GPAT4: variants seen among roughly 807,000 people sequenced by gnomAD.
GPAT4 encodes 1-AGP acyltransferase 6.
GPAT4 carries 17 observed loss-of-function variants against 58.0 expected under a neutral mutation model. The observed-to-expected ratio is 0.29, with a 90% CI of 0.20 to 0.44. The LOEUF (loss-of-function observed/expected upper bound fraction) is 0.44, where lower values mean the gene tolerates loss of function less well. Among genes scored for constraint, GPAT4 ranks in the 20% least tolerant of loss-of-function variants. The pLI is 1.00. For missense variants in GPAT4, 377 were observed against 574.5 expected (o/e 0.66, Z 3.51); for synonymous variants, 204 against 210.1 (o/e 0.97, Z 0.25).
At chr8:41,599,527 T>C (rs1427841566) in intron 2 of GPAT4, among the ~76,000 whole-genome samples, 1 of 152,226 alleles carries the variant, frequency 6.6e-6, no homozygotes, top group Non-Finnish European at 1.5e-5. Context: ...TGACTCCACA[T>C]GTTGCCTGTT....
At chr8:41,582,595 A>G (rs1234017473) in intron 1 of GPAT4, among the ~76,000 whole-genome samples, 2 of 152,164 alleles carry the variant, frequency 1.3e-5, no homozygotes, top group African/African-American at 4.8e-5. Context: ...TTTAAATTTT[A>G]TAATAATGCT....
chr8:41,595,325 CTTTTTTTT>C (rs61465079), intron 1 of GPAT4, among the ~76,000 whole-genome samples: 310 of 73,844 alleles, frequency 4.2e-3, no homozygotes, highest in African/African-American at 0.014. Context: ...TTAAATCTTC[CTTTTTTTT>C]TTTTTTTTTT....
At chr8:41,590,894 T>G (rs965467988) in intron 1 of GPAT4, among the ~76,000 whole-genome samples, 15 of 152,008 alleles carry the variant, frequency 9.9e-5, no homozygotes, top group African/African-American at 3.4e-4. Flanking sequence ...GGACTGGGGA[T>G]AAACAAACGA....
intron 2 of GPAT4, among the ~76,000 whole-genome samples, chr8:41,603,671 G>A (rs1039335774): frequency 3.3e-5 from 5 of 152,122 alleles, no homozygotes; most frequent in Admixed American, 6.5e-5. Context: ...AGGATGTGGG[G>A]GGGCAGGATG....
At position 41,618,908 on chromosome 8, in the gene GPAT4, A is replaced by G. The variant is rs772923260; in HGVS notation, c.1193A>G (p.Asp398Gly). 3.1e-6 allele frequency: 5 copies of G among 1,614,194 alleles called. No homozygotes were observed. The highest frequency in any genetic ancestry group is 1.1e-5 in the South Asian group (1 of 91,074). Residue 398 changes from aspartate (D) to glycine (G), a missense_variant, in exon 12 of 13, where the codon GAT (aspartate) becomes GGT (glycine). Asp to Gly is a moderately conservative substitution (Grantham distance 94). Transcript: ENST00000396987. ...LPPMTREADE[D>G]AVQFANRVKS... ...TGTTCTTTCTTACAGGCAGATGAAG[A>G]TGCTGTCCAGTTTGCGAATAGGGTG...
chr8:41,612,989 T>C (rs1419256086), intron 8 of GPAT4, 29 bp downstream of exon 8: 4 of 1,595,556 alleles, frequency 2.5e-6, no homozygotes, highest in Non-Finnish European at 3.4e-6. Context: ...CTGTTCTGCT[T>C]GGCCAGTTAG....
intron 7 of GPAT4, among the ~76,000 whole-genome samples, chr8:41,612,598 T>C (rs1803476905): frequency 6.6e-6 from 1 of 152,180 alleles, no homozygotes; most frequent in South Asian, 2.1e-4. Context: ...CTTTAGTATT[T>C]TAGTATTTTG....
Position 41,618,975 on chromosome 8 carries a change from G to C in GPAT4, c.1260G>C (p.Leu420=). ...GGCAGGGAGGACTTGTGGACCTGCT[G>C]TGGTAAGTTTAGAGCCAGGCCTTTT... The part of the protein sequence containing the change: ...IARQGGLVDL[L]WDGGLKREKV... Residue 420 remains leucine, a splice_region_variant and synonymous_variant, in exon 12 of 13, where the codon CTG becomes CTC. Transcript: ENST00000396987. 8.1e-6 allele frequency: 13 copies of C among 1,614,246 alleles called. No individual in the cohort carries two copies. Among genetic ancestry groups the C allele is most frequent in the Non-Finnish European group, 1.1e-5 (13 of 1,180,034 alleles).
chr8:41,586,770 A>G (rs1177828211), intron 1 of GPAT4, among the ~76,000 whole-genome samples: 1 of 152,078 alleles, frequency 6.6e-6, no homozygotes, highest in Non-Finnish European at 1.5e-5. Flanking sequence ...CCTTTTACGT[A>G]TGGATAATTT....
At chr8:41,582,035 G>T (rs1802529372) in intron 1 of GPAT4, among the ~76,000 whole-genome samples, 1 of 106,522 alleles carries the variant, frequency 9.4e-6, no homozygotes. Context: ...TGGAGACTGA[G>T]TCTTCCTCTG....
intron 8 of GPAT4, 44 bp from the exon 9 acceptor site, chr8:41,614,342 G>T: frequency 6.5e-7 from 1 of 1,528,900 alleles, no homozygotes; most frequent in Non-Finnish European, 9.0e-7. Context: ...TTGACGATGT[G>T]TATAAGGTTG....
At chr8:41,579,977 A>G (rs1802469012) in intron 1 of GPAT4, among the ~76,000 whole-genome samples, 1 of 152,198 alleles carries the variant, frequency 6.6e-6, no homozygotes, top group South Asian at 2.1e-4. Flanking sequence ...AGGTCTTAAG[A>G]GGCTGAAATC....
At chr8:41,619,234 C>G (rs998638370) in intron 12 of GPAT4, 1 of 540,042 alleles carries the variant, frequency 1.9e-6, no homozygotes, top group African/African-American at 1.9e-5. Flanking sequence ...TCCAGGACAC[C>G]TGGACAGTGC....
At chr8:41,617,015 G>T (rs1305110580) in intron 10 of GPAT4, among the ~76,000 whole-genome samples, 2 of 152,114 alleles carry the variant, frequency 1.3e-5, no homozygotes, top group Non-Finnish European at 2.9e-5. Flanking sequence ...CGAAACAAAG[G>T]GTTCTCACAC....
Position 41,615,102 on chromosome 8 carries a change from G to T in GPAT4, c.1053+54G>T. On this transcript the variant is annotated intron_variant, in intron 10 of 12. Transcript: ENST00000396987. Reference sequence around the variant, plus strand: ...CATTACTGGAGCTGCTGTGAGTGGGGTGCAGCAGGAGGAGGTAGAGGAAGG... The same window carrying T: ...CATTACTGGAGCTGCTGTGAGTGGGTTGCAGCAGGAGGAGGTAGAGGAAGG... 6 of 1,490,372 alleles carry T rather than the reference G, an allele frequency of 4.0e-6. No homozygotes were observed. In the South Asian group the frequency reaches 6.8e-5, roughly 17 times the overall value. The allele number at this position is 1,490,372 out of a possible 1,614,324, so 92.3% of individuals were successfully genotyped here.
intron 1 of GPAT4, among the ~76,000 whole-genome samples, chr8:41,591,516 A>G (rs935610370): frequency 1.3e-5 from 2 of 152,254 alleles, no homozygotes; most frequent in Non-Finnish European, 2.9e-5. Flanking sequence ...CTTGCAAGAC[A>G]GATCGATAGT....
chr8:41,589,200 C>G (rs1463478283), intron 1 of GPAT4, among the ~76,000 whole-genome samples: 2 of 152,220 alleles, frequency 1.3e-5, no homozygotes, highest in Non-Finnish European at 2.9e-5. Context: ...AGTTTCCAAA[C>G]ACTACCGATT....
chr8:41,587,029 C>CT (rs1431681399), intron 1 of GPAT4, among the ~76,000 whole-genome samples: 1 of 152,240 alleles, frequency 6.6e-6, no homozygotes, highest in Admixed American at 6.5e-5. Context: ...GGCTGGGTCT[C>CT]TGAGGGCCCA....
At chr8:41,605,292 C>T (rs969740728) in intron 2 of GPAT4, among the ~76,000 whole-genome samples, 2 of 152,108 alleles carry the variant, frequency 1.3e-5, no homozygotes, top group African/African-American at 2.4e-5. Flanking sequence ...GTTGAAATAC[C>T]AGTTGAAATA....
Sources: gnomAD v4.1 joint callset for allele counts (sites outside exome capture counted in the v4.1 genomes callset) on GRCh38, gnomAD v4.1.1 for gene constraint, MANE v1.5 for transcripts, NCBI Gene and HGNC (gene_info 2026-07-23, HGNC 2026-07-21) for gene names.